Variants in SYT1 observed in about 807,000 individuals in gnomAD.
SYT1 encodes synaptotagmin-1.
Under a neutral mutation model 44.8 loss-of-function variants are expected in SYT1, and 8 were observed. The observed-to-expected ratio is 0.18, with a 90% confidence interval of 0.10 to 0.32. The LOEUF is 0.32. SYT1 is among the 10% of genes least tolerant of loss of function. The pLI is 1.00. For missense variants in SYT1, 286 were observed against 509.3 expected, an observed-to-expected ratio of 0.56 and a Z score of 4.22; for synonymous variants, 154 against 188.8, an observed-to-expected ratio of 0.82 and a Z score of 1.51.
chr12:79,244,660 C>T (rs190783163), intron 4 of SYT1, among the ~76,000 whole-genome samples: 31 of 150,716 alleles, frequency 2.1e-4, no homozygotes, highest in African/African-American at 7.3e-4. Context: ...GCCAGGATCA[C>T]GCCACTGCAC....
In SYT1 at chr12:79,347,400, C is replaced by T. The variant is rs1882658233; in HGVS notation, c.811-6102C>T. On this transcript the variant is annotated intron_variant, in intron 8 of 10. Coordinates refer to ENST00000261205, the MANE Select transcript of SYT1 (RefSeq NM_005639.3). ...GGATGATAAAATCTCATCCTTGTTGCCCCATTTCCAAATATCTTTGAAGAA... is the reference window on the plus strand; with the variant it reads ...GGATGATAAAATCTCATCCTTGTTGTCCCATTTCCAAATATCTTTGAAGAA... 3.3e-5 allele frequency among the ~76,000 whole-genome samples: 5 copies of T among 152,088 alleles called. No homozygotes were observed. The South Asian group carries it at 1.0e-3, about 32-fold the overall frequency.
intron 3 of SYT1, among the ~76,000 whole-genome samples, chr12:79,161,984 G>T (rs533145258): frequency 6.6e-6 from 1 of 152,050 alleles, no homozygotes; most frequent in African/African-American, 2.4e-5. Context: ...CATATTGTTC[G>T]ATTCCACACA....
intron 9 of SYT1, among the ~76,000 whole-genome samples, chr12:79,396,441 C>A (rs1272934526): frequency 6.6e-6 from 1 of 152,260 alleles, no homozygotes; most frequent in South Asian, 2.1e-4. Flanking sequence ...TTTTAAAATA[C>A]AGATGCCAGG....
intron 8 of SYT1, among the ~76,000 whole-genome samples, chr12:79,321,172 GAGACTC>G (rs1461136045): frequency 3.3e-5 from 5 of 152,172 alleles, no homozygotes; most frequent in Non-Finnish European, 7.3e-5. Flanking sequence ...TTAGGAAACT[GAGACTC>G]AGAAAGGCTA....
At chr12:79,086,062 A>G (rs1877358987) in intron 3 of SYT1, among the ~76,000 whole-genome samples, 2 of 152,176 alleles carry the variant, frequency 1.3e-5, no homozygotes, top group Non-Finnish European at 2.9e-5. Flanking sequence ...GCAGTTTACT[A>G]ACCTTACAGG....
rs531724401 is a variant in SYT1 at position 79,249,208 on chromosome 12, C to A, written c.166+31523C>A. On this transcript the variant is annotated intron_variant, in intron 4 of 10. Transcript: ENST00000261205. ...CAAGCTCCGCTTCCCGGGTTCACGCCATTCTCCTGCCTCAGCTTCCCGAGT... is the reference window on the plus strand; with the variant it reads ...CAAGCTCCGCTTCCCGGGTTCACGCAATTCTCCTGCCTCAGCTTCCCGAGT... 7.1e-4 allele frequency among the ~76,000 whole-genome samples: 104 copies of A among 147,458 alleles called. 1 individual carries two copies. The highest frequency in any genetic ancestry group is 2.0e-3 in the East Asian group (10 of 4,932).
intron 1 of SYT1, among the ~76,000 whole-genome samples, chr12:78,881,852 T>C (rs992873275): frequency 1.3e-5 from 2 of 151,534 alleles, no homozygotes; most frequent in Admixed American, 1.3e-4. Context: ...ACAAGAGAAA[T>C]GTTAAGATGA....
At chr12:79,313,736 G>A (rs578135407) in intron 8 of SYT1, among the ~76,000 whole-genome samples, 10 of 151,948 alleles carry the variant, frequency 6.6e-5, no homozygotes, top group Non-Finnish European at 1.3e-4. Flanking sequence ...TACTACTGAT[G>A]TCTCCTTCGG....
intron 8 of SYT1, among the ~76,000 whole-genome samples, chr12:79,314,110 A>G (rs1156988603): frequency 2.1e-5 from 3 of 140,192 alleles, no homozygotes; most frequent in Non-Finnish European, 4.5e-5. Flanking sequence ...CGGAGCTTGC[A>G]GTGAGCCGAG....
rs534940900 is a variant in SYT1 at position 79,353,882 on chromosome 12, G to A, written c.928+263G>A. ...TGTCTTTTTAATGGCATTGAAAGCTGAAAATGTTTGCTTCTTTTCTGAAAG... is the reference window on the plus strand; with the variant it reads ...TGTCTTTTTAATGGCATTGAAAGCTAAAAATGTTTGCTTCTTTTCTGAAAG... On this transcript the variant is annotated intron_variant, in intron 9 of 10. Coordinates refer to ENST00000261205, the MANE Select transcript of SYT1 (RefSeq NM_005639.3). 1.8e-4 allele frequency among the ~76,000 whole-genome samples: 28 copies of A among 152,256 alleles called. No homozygotes were observed. The East Asian group carries it at 4.4e-3, about 24-fold the overall frequency.
At chr12:79,410,859 A>T (rs1868391328) in intron 9 of SYT1, among the ~76,000 whole-genome samples, 1 of 152,180 alleles carries the variant, frequency 6.6e-6, no homozygotes, top group Non-Finnish European at 1.5e-5. Context: ...ATCATCTACA[A>T]ATCCAAGAAA....
chr12:79,010,216 TTG>T (rs767323926), intron 2 of SYT1, among the ~76,000 whole-genome samples: 3 of 152,068 alleles, frequency 2.0e-5, no homozygotes, highest in Non-Finnish European at 4.4e-5. Context: ...AAGATGAAAA[TTG>T]GATAGAAACA....
intron 3 of SYT1, among the ~76,000 whole-genome samples, chr12:79,066,228 C>T (rs1875840099): frequency 6.6e-6 from 1 of 152,058 alleles, no homozygotes; most frequent in Non-Finnish European, 1.5e-5. Flanking sequence ...GCAAAGAATA[C>T]ATTTTACCAG....
intron 9 of SYT1, among the ~76,000 whole-genome samples, chr12:79,398,053 T>C (rs763776080): frequency 1.2e-4 from 19 of 152,222 alleles, no homozygotes; most frequent in Non-Finnish European, 2.6e-4. Context: ...AACCTTCTAA[T>C]TGAATTAATT....
chr12:79,179,361 G>GATATCC (rs1266311704), intron 3 of SYT1, among the ~76,000 whole-genome samples: 27 of 2,286 alleles, frequency 0.012, 1 homozygote, highest in Non-Finnish European at 0.021. Context: ...TATCGATATA[G>GATATCC]ATATAGATAT....
intron 1 of SYT1, among the ~76,000 whole-genome samples, chr12:78,926,205 G>A (rs1011062602): frequency 2.0e-5 from 3 of 152,052 alleles, no homozygotes; most frequent in Non-Finnish European, 2.9e-5. Flanking sequence ...AAGGTTTCTA[G>A]ATTAAGTCAT....
chr12:79,069,583 T>C (rs964514525), intron 3 of SYT1, among the ~76,000 whole-genome samples: 36 of 151,946 alleles, frequency 2.4e-4, no homozygotes, highest in African/African-American at 7.9e-4. Context: ...TTTAAAAATA[T>C]AAAAAGGAAT....
At chr12:79,101,133 GT>G (rs1455693449) in intron 3 of SYT1, among the ~76,000 whole-genome samples, 1 of 152,002 alleles carries the variant, frequency 6.6e-6, no homozygotes, top group African/African-American at 2.4e-5. Context: ...AAAATGTAAG[GT>G]AAGAACAGAT....
chr12:79,122,035 A>G (rs1473367866), intron 3 of SYT1, among the ~76,000 whole-genome samples: 1 of 152,240 alleles, frequency 6.6e-6, no homozygotes, highest in Non-Finnish European at 1.5e-5. Flanking sequence ...TGCTTTCAGC[A>G]CTTTTTGAAG....
Sources: allele counts gnomAD v4.1 joint callset (sites outside exome capture counted in the v4.1 genomes callset), GRCh38; gene constraint gnomAD v4.1.1; transcripts MANE v1.5; gene names NCBI Gene and HGNC (gene_info 2026-07-23, HGNC 2026-07-21).